PARD3B: variants seen among roughly 807,000 people sequenced by gnomAD.
PARD3B encodes par-3 family cell polarity regulator beta, also known as partitioning defective 3 homolog B.
In PARD3B, 103 loss-of-function variants were observed where a neutral mutation model predicts 130.2. The observed-to-expected ratio is 0.79, with a 90% CI of 0.67 to 0.93. The LOEUF (loss-of-function observed/expected upper bound fraction) is 0.93, where lower values mean the gene tolerates loss of function less well. Ranked by LOEUF, PARD3B falls within the 40% of genes least tolerant of loss-of-function variation. The pLI, the probability that PARD3B is intolerant of heterozygous loss-of-function variation, is 0.00. For missense variants in PARD3B, 1,609 were observed against 1,499.2 expected, an observed-to-expected ratio of 1.07 and a Z score of -1.21; for synonymous variants, 583 against 553.2, an observed-to-expected ratio of 1.05 and a Z score of -0.76.
chr2:204,561,277 TAA>T (rs2031291171), intron 1 of PARD3B, among the ~76,000 whole-genome samples: 1 of 152,276 alleles, frequency 6.6e-6, no homozygotes, highest in Middle Eastern at 3.4e-3. Context: ...TGCTCAGAAA[TAA>T]AAGTTGTTAG....
At chr2:204,900,884 A>G (rs2046829235) in intron 2 of PARD3B, among the ~76,000 whole-genome samples, 2 of 152,144 alleles carry the variant, frequency 1.3e-5, no homozygotes, top group African/African-American at 4.8e-5. Flanking sequence ...TACAGGTACC[A>G]TCTTGGAGGT....
intron 3 of PARD3B, among the ~76,000 whole-genome samples, chr2:205,026,844 C>A (rs900431987): frequency 1.3e-5 from 2 of 152,150 alleles, no homozygotes; most frequent in Admixed American, 1.3e-4. Flanking sequence ...CATGATGTTG[C>A]AAATTGCAAA....
Position 205,398,082 on chromosome 2 carries a change from T to G in PARD3B, c.2631-2931T>G, listed in dbSNP as rs539184691. 7.2e-5 allele frequency among the ~76,000 whole-genome samples: 11 copies of G among 152,236 alleles called. No individual in the cohort carries two copies. In the South Asian group the frequency reaches 2.1e-3, roughly 29 times the overall value. ...GGGAGGCCGAGGCAGGCAGATCACC[T>G]GAGGTCAGGAGTTCGAGACCAGCCT... is the stretch of plus-strand genomic sequence containing the variant. On this transcript the variant is annotated intron_variant, in intron 18 of 22. Coordinates refer to ENST00000406610, the MANE Select transcript of PARD3B (RefSeq NM_001302769.2).
Position 205,590,706 on chromosome 2 carries a change from C to T in PARD3B, c.3261-24750C>T, listed in dbSNP as rs1237692100. 6.6e-6 allele frequency among the ~76,000 whole-genome samples: 1 copy of T among 152,052 alleles called. No homozygotes were observed. Among genetic ancestry groups the T allele is most frequent in the Non-Finnish European group, 1.5e-5 (1 of 68,014 alleles). ...GCAACTTTCTTCCACTGTCTCAACT[C>T]GGATCACAAGGGAAGAAGGAAAGAT... On this transcript the variant is annotated intron_variant, in intron 22 of 22. Transcript: ENST00000406610. The surrounding 1 kb of genome is among the most constrained non-coding windows in gnomAD (Gnocchi z 4.1).
chr2:205,440,396 G>A lies in PARD3B; in HGVS notation c.2768G>A (p.Arg923Lys), dbSNP rs1187222770. Reference sequence around the variant, plus strand: ...ATTGGAGCAAAACATCAGGAGCTAAGGGAAAAGCAGGCAAGAGGTCTTCTT... The same window carrying A: ...ATTGGAGCAAAACATCAGGAGCTAAAGGAAAAGCAGGCAAGAGGTCTTCTT... Reference protein sequence around the residue: ...ERIGAKHQELREKQARGLLDY... With the variant: ...ERIGAKHQELKEKQARGLLDY... The change falls in exon 20 of 23, where the codon AGG becomes AAG. Residue 923 changes from arginine (R) to lysine (K), a missense_variant. Physicochemically the swap from Arg to Lys is conservative, Grantham distance 26. Transcript: ENST00000406610. The surrounding 1 kb of genome is among the most constrained non-coding windows in gnomAD (Gnocchi z 4.2). 6.2e-7 allele frequency: 1 copy of A among 1,614,042 alleles called. No homozygotes were observed. The highest frequency in any genetic ancestry group is 1.3e-5 in the African/African-American group (1 of 75,032).
At chr2:204,977,798 C>T (rs548353571) in intron 3 of PARD3B, among the ~76,000 whole-genome samples, 14 of 115,240 alleles carry the variant, frequency 1.2e-4, no homozygotes, top group Admixed American at 6.1e-4. Context: ...GGTGACAGAG[C>T]GAGACTCCGG....
chr2:205,466,623 A>G (rs1353496712), intron 20 of PARD3B, among the ~76,000 whole-genome samples: 4 of 152,244 alleles, frequency 2.6e-5, no homozygotes, highest in African/African-American at 7.2e-5. Flanking sequence ...AAGAGTTTCA[A>G]TGGCTGTGTT....
intron 21 of PARD3B, among the ~76,000 whole-genome samples, chr2:205,533,982 C>T (rs1216794296): frequency 6.7e-6 from 1 of 149,944 alleles, no homozygotes; most frequent in Non-Finnish European, 1.5e-5. Flanking sequence ...AAAGACTTCC[C>T]ATTCTGGGTT....
intron 6 of PARD3B, among the ~76,000 whole-genome samples, chr2:205,118,145 T>C (rs2030126641): frequency 6.6e-6 from 1 of 152,226 alleles, no homozygotes; most frequent in Admixed American, 6.5e-5. Flanking sequence ...AAGCGGGGTC[T>C]GCTAGATGCC....
At chr2:205,420,424 G>C (rs553765198) in intron 19 of PARD3B, among the ~76,000 whole-genome samples, 3 of 152,064 alleles carry the variant, frequency 2.0e-5, no homozygotes, top group Admixed American at 1.3e-4. Context: ...TAATTTGTCC[G>C]TGGTACAAAA....
chr2:205,158,038 A>T lies in PARD3B; in HGVS notation c.1435-684A>T, dbSNP rs2034286441. 6.6e-6 allele frequency among the ~76,000 whole-genome samples: 1 copy of T among 152,194 alleles called. No individual in the cohort carries two copies. Among genetic ancestry groups the T allele is most frequent in the Non-Finnish European group, 1.5e-5 (1 of 68,034 alleles). ...TATGACATGAATGTTTGTTGTGCAT[A>T]ATCATTTTTGTTTAGGTTTAAAAAT... On this transcript the variant is annotated intron_variant, in intron 10 of 22. Transcript: ENST00000406610. The surrounding 1 kb of genome is among the most constrained non-coding windows in gnomAD (Gnocchi z 5.4).
At chr2:204,939,926 A>G (rs1688775198) in intron 2 of PARD3B, among the ~76,000 whole-genome samples, 1 of 152,220 alleles carries the variant, frequency 6.6e-6, no homozygotes, top group Non-Finnish European at 1.5e-5. Context: ...ATTATACCTG[A>G]GGTTTACTGA....
chr2:204,787,348 C>T (rs1361418030), intron 2 of PARD3B, among the ~76,000 whole-genome samples: 2 of 152,082 alleles, frequency 1.3e-5, no homozygotes, highest in African/African-American at 2.4e-5. Flanking sequence ...GGGAGAAAAT[C>T]TGCTTGCTAC....
chr2:205,013,792 A>G (rs1009719203), intron 3 of PARD3B, among the ~76,000 whole-genome samples: 1 of 152,188 alleles, frequency 6.6e-6, no homozygotes, highest in Non-Finnish European at 1.5e-5. Flanking sequence ...GCGGGTTCAC[A>G]GGGTCAAAGG....
intron 2 of PARD3B, among the ~76,000 whole-genome samples, chr2:204,848,657 A>G (rs2044568722): frequency 1.3e-5 from 2 of 151,782 alleles, no homozygotes; most frequent in Admixed American, 6.6e-5. Flanking sequence ...CTATCTATCT[A>G]TCTATCTGTC....
At chr2:204,867,587 C>G (rs1026652243) in intron 2 of PARD3B, among the ~76,000 whole-genome samples, 1 of 152,072 alleles carries the variant, frequency 6.6e-6, no homozygotes, top group Non-Finnish European at 1.5e-5. Context: ...TAAAATGCAC[C>G]TTTGAGCATT....
Position 205,440,570 on chromosome 2 carries a change from G to T in PARD3B, c.2942G>T (p.Gly981Val), listed in dbSNP as rs1251579551. 6 of 1,614,012 alleles carry T rather than the reference G, an allele frequency of 3.7e-6. No homozygotes were observed. Among genetic ancestry groups the T allele is most frequent in the Non-Finnish European group, 4.2e-6 (5 of 1,179,952 alleles). Reference sequence around the variant, plus strand: ...TCTCCCCCTCGAGCTGGACCATTTGGTTACCCTCGGGATGGCCATCCACTG... The same window carrying T: ...TCTCCCCCTCGAGCTGGACCATTTGTTTACCCTCGGGATGGCCATCCACTG... ...SPSPPRAGPF[G>V]YPRDGHPLSP... The change falls in exon 20 of 23, where the codon GGT becomes GTT. Residue 981 changes from glycine to valine, a missense_variant. Transcript: ENST00000406610. The surrounding 1 kb of genome is among the most constrained non-coding windows in gnomAD (Gnocchi z 4.2).
chr2:205,342,982 C>G (rs1053133000), intron 18 of PARD3B, among the ~76,000 whole-genome samples: 1 of 152,198 alleles, frequency 6.6e-6, no homozygotes, highest in Non-Finnish European at 1.5e-5. Flanking sequence ...TTTGGCAACA[C>G]AGAATGACTA....
At chr2:204,977,578 G>A (rs1009852371) in intron 3 of PARD3B, among the ~76,000 whole-genome samples, 16 of 152,156 alleles carry the variant, frequency 1.1e-4, no homozygotes, top group African/African-American at 3.6e-4. Context: ...GGGAGGCCTA[G>A]GCGGGTGGAT....
Sources: allele counts gnomAD v4.1 joint callset (sites outside exome capture counted in the v4.1 genomes callset), GRCh38; gene constraint gnomAD v4.1.1; non-coding constraint Gnocchi (gnomAD v3.1); transcripts MANE v1.5; gene names NCBI Gene and HGNC (gene_info 2026-07-23, HGNC 2026-07-21).